The following C12orf42 variants were observed in gnomAD, a reference collection of about 807,000 sequenced individuals.
C12orf42 encodes the protein uncharacterized protein C12orf42.
Under a neutral mutation model 21.6 loss-of-function variants are expected in C12orf42, and 25 were observed. That is an observed-to-expected ratio of 1.16 (90% confidence interval 0.84 to 1.62). The LOEUF (loss-of-function observed/expected upper bound fraction) is 1.62. Ranked by LOEUF, C12orf42 falls within the 40% of genes most tolerant of loss-of-function variation. The pLI, the probability that C12orf42 is intolerant of heterozygous loss-of-function variation, is 0.00. For missense variants in C12orf42, 483 were observed against 459.3 expected (o/e 1.05, Z -0.47); for synonymous variants, 174 against 175.0 (o/e 0.99, Z 0.05).
the C12orf42 span, among the ~76,000 whole-genome samples, chr12:103,155,671 T>TATACATACATATGTGTATATACACATAC: frequency 6.7e-6 from 1 of 148,934 alleles, no homozygotes; most frequent in Admixed American, 6.8e-5. Context: ...TATACATATA[T>TATACATACATATGTGTATATACACATAC]ATACATACAT....
intron 2 of C12orf42, among the ~76,000 whole-genome samples, chr12:103,448,990 C>T (rs1231192054): frequency 2.6e-5 from 4 of 152,088 alleles, no homozygotes; most frequent in Non-Finnish European, 5.9e-5. Flanking sequence ...AAGATACTTG[C>T]ACACACATGT....
chr12:103,405,184 G>A (rs191253238), intron 2 of C12orf42, among the ~76,000 whole-genome samples: 202 of 152,292 alleles, frequency 1.3e-3, no homozygotes, highest in African/African-American at 4.1e-3. Context: ...ATACAAAGGC[G>A]AGATCCAGGG....
the C12orf42 span, among the ~76,000 whole-genome samples, chr12:103,540,706 T>C: frequency 1.3e-5 from 2 of 152,222 alleles, no homozygotes; most frequent in Non-Finnish European, 2.9e-5. Flanking sequence ...AAATAGCATG[T>C]GACTGTATTT....
Position 103,385,611 on chromosome 12 carries a change from T to C in C12orf42, c.147+15996A>G, listed in dbSNP as rs2046544114. ...TTTAAATGGTAATAAATTGCAATGA[T>C]ATTCTCTTCTTTATTGGAGAATCTC... On this transcript the variant is annotated intron_variant, in intron 3 of 5. Coordinates refer to ENST00000548883, the MANE Select transcript of C12orf42 (RefSeq NM_198521.5). 2.0e-5 allele frequency among the ~76,000 whole-genome samples: 3 copies of C among 152,208 alleles called. No homozygotes were observed. The South Asian group carries it at 6.2e-4, about 32-fold the overall frequency.
chr12:103,229,760 T>C, the C12orf42 span, among the ~76,000 whole-genome samples: 7 of 152,250 alleles, frequency 4.6e-5, no homozygotes, highest in Non-Finnish European at 8.8e-5. Context: ...ACTTTTATTC[T>C]TCTATGACTT....
At chr12:103,256,085 A>AATATATATAT (rs1565998064) in intron 10 of C12orf42, among the ~76,000 whole-genome samples, 13 of 58,932 alleles carry the variant, frequency 2.2e-4, no homozygotes, top group African/African-American at 7.1e-4. Flanking sequence ...AAAAAAAAAA[A>AATATATATAT]ATATATATAT....
intron 2 of C12orf42, among the ~76,000 whole-genome samples, chr12:103,418,030 C>T (rs73187805): frequency 4.0e-3 from 603 of 152,296 alleles, no homozygotes; most frequent in Middle Eastern, 0.01. Context: ...GATAACTTTG[C>T]TATTCTACCC....
chr12:103,229,808 A>G, the C12orf42 span, among the ~76,000 whole-genome samples: 4 of 152,218 alleles, frequency 2.6e-5, no homozygotes, highest in Non-Finnish European at 4.4e-5. Context: ...GGATTCATAT[A>G]TGCTAATGCA....
chr12:103,432,285 T>G (rs987717387), intron 2 of C12orf42, among the ~76,000 whole-genome samples: 1 of 152,146 alleles, frequency 6.6e-6, no homozygotes, highest in Non-Finnish European at 1.5e-5. Context: ...TCATCAGCCT[T>G]AGGTGTTTCT....
At chr12:103,411,991 A>C (rs1179324477) in intron 2 of C12orf42, among the ~76,000 whole-genome samples, 1 of 152,230 alleles carries the variant, frequency 6.6e-6, no homozygotes, top group African/African-American at 2.4e-5. Flanking sequence ...TTACCAATGC[A>C]ATGATCACTG....
intron 4 of C12orf42, among the ~76,000 whole-genome samples, chr12:103,312,221 C>T (rs975535280): frequency 1.3e-5 from 2 of 152,150 alleles, no homozygotes; most frequent in African/African-American, 4.8e-5. Context: ...GTTTAGGACC[C>T]AGGTCTTCAG....
At chr12:103,220,955 C>T in the C12orf42 span, among the ~76,000 whole-genome samples, 1 of 152,220 alleles carries the variant, frequency 6.6e-6, no homozygotes, top group Non-Finnish European at 1.5e-5. Context: ...TTTTTATAAA[C>T]TTGAATCTCT....
At chr12:103,115,124 TTA>T in the C12orf42 span, among the ~76,000 whole-genome samples, 1 of 152,230 alleles carries the variant, frequency 6.6e-6, no homozygotes, top group African/African-American at 2.4e-5. Context: ...AATAAAGTCT[TTA>T]TGTTAATCTC....
At chr12:103,557,141 A>C in the C12orf42 span, among the ~76,000 whole-genome samples, 12 of 152,336 alleles carry the variant, frequency 7.9e-5, no homozygotes, top group East Asian at 2.3e-3. Context: ...GAAACGAAAC[A>C]ATCTTCAATT....
chr12:103,294,530 G>GAGGC (rs2037077481), intron 4 of C12orf42, among the ~76,000 whole-genome samples: 1 of 134,170 alleles, frequency 7.5e-6, no homozygotes, highest in Non-Finnish European at 1.6e-5. Context: ...AAGAAAGAAA[G>GAGGC]AAGCAAGCAA....
At chr12:103,435,319 C>T (rs1332353134) in intron 2 of C12orf42, among the ~76,000 whole-genome samples, 2 of 152,152 alleles carry the variant, frequency 1.3e-5, no homozygotes, top group Non-Finnish European at 2.9e-5. Flanking sequence ...AACAGAAAAA[C>T]CGGAAATTCT....
chr12:103,302,397 AGTCTGCTTTGGATGTC>A lies in C12orf42; in HGVS notation c.778_793del (p.Asp260SerfsTer63), dbSNP rs2037774321. 8 of 1,613,814 alleles carry A rather than the reference AGTCTGCTTTGGATGTC, an allele frequency of 5.0e-6. No individual in the cohort carries two copies. The highest frequency in any genetic ancestry group is 6.8e-6 in the Non-Finnish European group (8 of 1,179,850). On this transcript the variant is annotated frameshift_variant, in exon 6 of 6. Coordinates refer to ENST00000548883, the MANE Select transcript of C12orf42 (RefSeq NM_198521.5). LOFTEE classifies it low-confidence loss of function (END_TRUNC). The stretch of plus-strand genomic sequence containing the variant: ...GACGGGATTTCCGGACGCGCCCAGG[AGTCTGCTTTGGATGTC>A]GTCGGGGTGTGCCTGAGCGCCTGCT...
chr12:103,328,458 G>C (rs1423447284), intron 4 of C12orf42, among the ~76,000 whole-genome samples: 1 of 151,984 alleles, frequency 6.6e-6, no homozygotes, highest in Non-Finnish European at 1.5e-5. Flanking sequence ...TTCAATCTAT[G>C]TCAGCTATAT....
intron 1 of C12orf42, 108 bp from the exon 2 acceptor site, chr12:103,478,555 T>A: frequency 2.1e-6 from 1 of 479,680 alleles, no homozygotes; most frequent in Non-Finnish European, 3.5e-6. Context: ...TCCATGAACA[T>A]AGTATTTCTT....
Sources: allele counts gnomAD v4.1 joint callset (sites outside exome capture counted in the v4.1 genomes callset), GRCh38; gene constraint gnomAD v4.1.1; transcripts MANE v1.5; gene names NCBI Gene and HGNC (gene_info 2026-07-23, HGNC 2026-07-21).